Variants in SAMD9 observed in about 807,000 individuals in gnomAD.
SAMD9 encodes sterile alpha motif domain-containing protein 9.
Under a neutral mutation model 1.5 loss-of-function variants are expected in SAMD9, and 3 were observed. The observed-to-expected ratio is 2.05, with a 90% CI of 0.93 to 5.29. SAMD9 has a LOEUF of 5.29. Among genes scored for constraint, SAMD9 ranks in the 30% most tolerant of loss-of-function variants. SAMD9 has a pLI of 0.02. For synonymous variants in SAMD9, 635 were observed against 631.9 expected (o/e 1.00, Z -0.07); for missense variants, 1,597 against 1,820.8 (o/e 0.88, Z 2.24).
At position 93,104,024 on chromosome 7, in the gene SAMD9, A is replaced by G. The variant is rs763629478; in HGVS notation, c.2074T>C (p.Trp692Arg). ...DFYRGGKVSW[W>R]NFYFSSESYS... ...CTTTCAGAAGAGAAGTAGAAGTTCC[A>G]CCATGACACTTTGCCACCTCGATAG... is the stretch of plus-strand genomic sequence containing the variant. The change falls in exon 3 of 3, where the codon TGG (tryptophan) becomes CGG (arginine). Residue 692 changes from tryptophan (W) to arginine (R), a missense_variant. Physicochemically the swap from Trp to Arg is moderately radical, Grantham distance 101. This residue lies in a region of SAMD9 where 358 missense variants were observed against 460.4 expected (regional missense o/e 0.78). Transcript: ENST00000379958. The G allele has an allele frequency of 3.1e-6, 5 of 1,613,878 alleles. No homozygotes were observed. The African/African-American group carries it at 6.7e-5, about 22-fold the overall frequency.
At chr7:93,111,299 T>C (rs1398044729) in intron 2 of SAMD9, among the ~76,000 whole-genome samples, 1 of 152,186 alleles carries the variant, frequency 6.6e-6, no homozygotes, top group Non-Finnish European at 1.5e-5. Context: ...TGGGACACAT[T>C]TAAAGCAGTG....
chr7:93,117,314 T>C (rs1791848011), intron 1 of SAMD9, among the ~76,000 whole-genome samples: 1 of 152,124 alleles, frequency 6.6e-6, no homozygotes, highest in Non-Finnish European at 1.5e-5. Context: ...TGTCTCACTC[T>C]GTTGCCTATG....
At chr7:93,115,957 T>TCAC (rs1184887700) in intron 1 of SAMD9, among the ~76,000 whole-genome samples, 2 of 152,216 alleles carry the variant, frequency 1.3e-5, no homozygotes, top group African/African-American at 4.8e-5. Flanking sequence ...CACTTTCTTG[T>TCAC]ATCCATTTAC....
chr7:93,102,404 C>T lies in SAMD9; in HGVS notation c.3694G>A (p.Val1232Ile), dbSNP rs1404666480. The T allele has an allele frequency of 3.7e-6, 6 of 1,611,120 alleles. No homozygotes were observed. The highest frequency in any genetic ancestry group is 5.1e-6 in the Non-Finnish European group (6 of 1,177,618). ...CCTGGAATATCACTACTTCCTGATA[C>T]AAAATTGACCATATATCTTTTAGAT... ...ELSKRYMVNF[V>I]SGSSDIPGDP... Residue 1232 changes from valine to isoleucine, a missense_variant, in exon 3 of 3, where the codon GTA (valine) becomes ATA (isoleucine). Coordinates refer to ENST00000379958, the MANE Select transcript of SAMD9 (RefSeq NM_017654.4).
At chr7:93,115,313 CTA>C (rs2116441980) in intron 1 of SAMD9, among the ~76,000 whole-genome samples, 1 of 152,308 alleles carries the variant, frequency 6.6e-6, no homozygotes, top group African/African-American at 2.4e-5. Context: ...CTTCAAGAAA[CTA>C]TCAGTTTTTG....
At chr7:93,114,699 A>G (rs1791806003) in intron 2 of SAMD9, 96 bp downstream of exon 2, 1 of 152,194 alleles carries the variant, frequency 6.6e-6, no homozygotes, top group South Asian at 2.1e-4. Flanking sequence ...GGTGGCACAA[A>G]TAAGCAATAT....
rs1361620157 is a variant in SAMD9 at position 93,106,453 on chromosome 7, A to G, written c.-8-348T>C. ...GTTTGCTATAATGTGTGTTTGCTGT[A>G]TTATTTAAGAACGTTCAATTCTGCT... On this transcript the variant is annotated intron_variant, in intron 2 of 2. Coordinates refer to ENST00000379958, the MANE Select transcript of SAMD9 (RefSeq NM_017654.4). Among the ~76,000 whole-genome samples, 6 of 152,208 alleles carry G rather than the reference A, an allele frequency of 3.9e-5. No homozygotes were observed. The East Asian group carries it at 1.2e-3, about 29-fold the overall frequency.
rs746799013 is a variant in SAMD9, at chr7:93,102,791, G to A, written c.3307C>T (p.Leu1103=). ...ATTTTTGCTTGTTTTGCCCAGTTTAGAGCATTGCCAAAGTCCTTCTTTTTA... is the reference window on the plus strand; with the variant it reads ...ATTTTTGCTTGTTTTGCCCAGTTTAAAGCATTGCCAAAGTCCTTCTTTTTA... ...YIKKKDFGNA[L]NWAKQAKIIE... is the part of the protein sequence containing the mutation. Residue 1103 remains leucine (L), a synonymous_variant, in exon 3 of 3, where the codon CTA becomes TTA. Coordinates refer to ENST00000379958, the MANE Select transcript of SAMD9 (RefSeq NM_017654.4). 2 of 1,613,840 alleles carry A rather than the reference G, an allele frequency of 1.2e-6. No homozygotes were observed. Among genetic ancestry groups the A allele is most frequent in the Non-Finnish European group, 1.7e-6 (2 of 1,179,764 alleles).
At position 93,104,791 on chromosome 7, in the gene SAMD9, C is replaced by T. The variant is rs1791602344; in HGVS notation, c.1307G>A (p.Trp436Ter). ...KHLDFLKEIK[W>*]FAVLEFDPES... is the part of the protein sequence containing the mutation. The stretch of plus-strand genomic sequence containing the variant: ...AGGATCAAACTCCAATACAGCAAAC[C>T]ATTTAATTTCCTTCAGGAAATCTAA... The change falls in exon 3 of 3, where the codon TGG (tryptophan) becomes TAG (stop). Residue 436 changes from tryptophan to a stop codon, truncating the protein, a stop_gained. Transcript: ENST00000379958. LOFTEE classifies it low-confidence loss of function (END_TRUNC). 1 of 1,613,630 alleles carries T rather than the reference C, an allele frequency of 6.2e-7. No individual in the cohort carries two copies. The highest frequency in any genetic ancestry group is 8.5e-7 in the Non-Finnish European group (1 of 1,179,838).
Position 93,101,351 on chromosome 7 carries a change from CA to C in SAMD9, c.4746del (p.Ala1583LeufsTer33). 1 of 1,612,722 alleles carries C rather than the reference CA, an allele frequency of 6.2e-7. No individual in the cohort carries two copies. Among genetic ancestry groups the C allele is most frequent in the Non-Finnish European group, 8.5e-7 (1 of 1,179,498 alleles). On this transcript the variant is annotated frameshift_variant, in exon 3 of 3. Coordinates refer to ENST00000379958, the MANE Select transcript of SAMD9 (RefSeq NM_017654.4). LOFTEE classifies it high-confidence loss of function. Reference sequence around the variant, plus strand: ...TCTTAAACAATTTCAATGTCATAAGCAAGTGGGCCTCCAATGGAAAATCCCA... The same window carrying C: ...TCTTAAACAATTTCAATGTCATAAGCAGTGGGCCTCCAATGGAAAATCCCA... ...FYLGFSIGGPLAYDIEIV is the reference protein window; with the variant it reads ...FYLGFSIGGPXAYDIEIV
intron 2 of SAMD9, among the ~76,000 whole-genome samples, chr7:93,111,730 C>T (rs1470667164): frequency 6.6e-6 from 1 of 152,208 alleles, no homozygotes; most frequent in African/African-American, 2.4e-5. Context: ...AATTCCTCGA[C>T]ACATACACCC....
At position 93,100,908 on chromosome 7, in the gene SAMD9, C is replaced by T. The variant is rs1185913596; in HGVS notation, c.*420G>A. 1 of 234,050 alleles carries T rather than the reference C, an allele frequency of 4.3e-6. No individual in the cohort carries two copies. The highest frequency in any genetic ancestry group is 2.3e-5 in the African/African-American group (1 of 42,896). The allele number at this position is 234,050 out of a possible 1,614,324, so 14.5% of individuals were successfully genotyped here. A position where few individuals can be genotyped will look rare whatever the true frequency, so the allele number is the denominator to read the frequency against. On this transcript the variant is annotated 3_prime_UTR_variant, in exon 3 of 3. Coordinates refer to ENST00000379958, the MANE Select transcript of SAMD9 (RefSeq NM_017654.4). ...CTTAGTAAGAATAAATGTTGCTCCT[C>T]AGTTTGAGAGGTTTTTGCTGTCTTT...
chr7:93,105,070 A>C lies in SAMD9; in HGVS notation c.1028T>G (p.Val343Gly), dbSNP rs1225847816. ...WEQSKKFSLFVRDGTSSKDIT... is the reference protein window; with the variant it reads ...WEQSKKFSLFGRDGTSSKDIT... ...GTCCTTAGAGCTGGTCCCATCTCGC[A>C]CAAATAGTGAGAATTTTTTACTTTG... The change falls in exon 3 of 3, where the codon GTG becomes GGG. Residue 343 changes from valine (V) to glycine (G), a missense_variant. Physicochemically the swap from Val to Gly is moderately radical, Grantham distance 109. Around this residue, in one of 6 missense-constraint regions of SAMD9, gnomAD observed 498 missense variants for 457.4 expected, o/e 1.09. Coordinates refer to ENST00000379958, the MANE Select transcript of SAMD9 (RefSeq NM_017654.4). 6.2e-7 allele frequency: 1 copy of C among 1,613,990 alleles called. No individual in the cohort carries two copies. The highest frequency in any genetic ancestry group is 2.2e-5 in the East Asian group (1 of 44,858).
intron 2 of SAMD9, among the ~76,000 whole-genome samples, chr7:93,107,731 C>A (rs1791669529): frequency 6.6e-6 from 1 of 152,108 alleles, no homozygotes; most frequent in Non-Finnish European, 1.5e-5. Context: ...GATGCCAGAG[C>A]CATGGTCCAA....
intron 2 of SAMD9, among the ~76,000 whole-genome samples, chr7:93,106,835 C>G (rs1791654635): frequency 6.6e-6 from 1 of 152,172 alleles, no homozygotes; most frequent in African/African-American, 2.4e-5. Flanking sequence ...GTCATTGACC[C>G]AGGACCTCTT....
At chr7:93,114,040 GA>G (rs1389827116) in intron 2 of SAMD9, among the ~76,000 whole-genome samples, 1 of 152,066 alleles carries the variant, frequency 6.6e-6, no homozygotes, top group Non-Finnish European at 1.5e-5. Context: ...CAAAGACTTG[GA>G]ACCAACCCAA....
At chr7:93,113,574 C>T (rs150844069) in intron 2 of SAMD9, among the ~76,000 whole-genome samples, 8,545 of 152,178 alleles carry the variant, frequency 0.056, 335 homozygotes, top group South Asian at 0.19. Flanking sequence ...GGCTAATATC[C>T]GGAATCTATG....
rs1038854953 is a variant in SAMD9, at chr7:93,100,304, G to A, written c.*1024C>T. On this transcript the variant is annotated 3_prime_UTR_variant, in exon 3 of 3. Coordinates refer to ENST00000379958, the MANE Select transcript of SAMD9 (RefSeq NM_017654.4). ...AGGTTTAATTATTTGGCAAGACCATGTCACGGGTGATGTGTGCACTCCTAT... is the reference window on the plus strand; with the variant it reads ...AGGTTTAATTATTTGGCAAGACCATATCACGGGTGATGTGTGCACTCCTAT... 7.9e-5 allele frequency: 12 copies of A among 152,110 alleles called. No individual in the cohort carries two copies. The highest frequency in any genetic ancestry group is 2.7e-4 in the African/African-American group (11 of 41,414). 9.4% of individuals were successfully genotyped at this position (152,110 alleles called of 1,614,324 possible). A position where few individuals can be genotyped will look rare whatever the true frequency, so the allele number is the denominator to read the frequency against.
Position 93,103,614 on chromosome 7 carries a change from A to G in SAMD9, c.2484T>C (p.Pro828=). ...TCATACAATTTAGGATAATCACCAGAGGTTTTTCATATCGAATGTACTTTT... is the reference window on the plus strand; with the variant it reads ...TCATACAATTTAGGATAATCACCAGGGGTTTTTCATATCGAATGTACTTTT... ...IAKKYIRYEK[P]LVIILNCMRS... The change falls in exon 3 of 3, where the codon CCT becomes CCC. Residue 828 remains proline (P), a synonymous_variant. Transcript: ENST00000379958. 1 of 1,613,644 alleles carries G rather than the reference A, an allele frequency of 6.2e-7. No individual in the cohort carries two copies. Among genetic ancestry groups the G allele is most frequent in the Non-Finnish European group, 8.5e-7 (1 of 1,179,690 alleles).
Sources: allele counts gnomAD v4.1 joint callset (sites outside exome capture counted in the v4.1 genomes callset), GRCh38; gene constraint gnomAD v4.1.1; regional missense constraint gnomAD v4.1.1; transcripts MANE v1.5; gene names NCBI Gene and HGNC (gene_info 2026-07-23, HGNC 2026-07-21).